Variants in HDAC9 observed in about 807,000 individuals in gnomAD.
HDAC9 encodes the protein MEF-2 interacting transcription repressor (MITR) protein.
Under a neutral mutation model 139.4 loss-of-function variants are expected in HDAC9, and 41 were observed. The observed-to-expected ratio is 0.29, with a 90% CI of 0.23 to 0.38. HDAC9 has a LOEUF of 0.38. HDAC9 is among the 10% of genes least tolerant of loss of function. The pLI is 1.00. For synonymous variants in HDAC9, 517 were observed against 476.2 expected (o/e 1.09, Z -1.12); for missense variants, 1,147 against 1,297.0 (o/e 0.88, Z 1.78).
chr7:18,168,570 CTGTG>C (rs765949434), intron 2 of HDAC9, among the ~76,000 whole-genome samples: 10 of 149,404 alleles, frequency 6.7e-5, no homozygotes, highest in African/African-American at 7.3e-5. Flanking sequence ...GTGTGTGTGT[CTGTG>C]TGTGTGTGTG....
At chr7:18,488,889 A>G (rs1335730257) in intron 1 of HDAC9, among the ~76,000 whole-genome samples, 1 of 152,088 alleles carries the variant, frequency 6.6e-6, no homozygotes, top group African/African-American at 2.4e-5. Flanking sequence ...TGGGACAAGA[A>G]CAAGGCAAAG....
At chr7:18,734,975 C>A (rs1457406908) in intron 13 of HDAC9, among the ~76,000 whole-genome samples, 1 of 152,240 alleles carries the variant, frequency 6.6e-6, no homozygotes, top group Non-Finnish European at 1.5e-5. Context: ...ATTTGCATTT[C>A]TCTGATGACC....
intron 12 of HDAC9, among the ~76,000 whole-genome samples, chr7:18,712,647 G>T (rs1046033556): frequency 1.3e-5 from 2 of 152,104 alleles, no homozygotes; most frequent in Non-Finnish European, 2.9e-5. Flanking sequence ...TAAATCCTAG[G>T]TATTGCAGGT....
chr7:18,115,149 T>G (rs1033831230), intron 1 of HDAC9, among the ~76,000 whole-genome samples: 1 of 152,044 alleles, frequency 6.6e-6, no homozygotes, highest in South Asian at 2.1e-4. Flanking sequence ...AAAAATTAGC[T>G]GGGCTTGGTG....
chr7:18,520,083 A>G (rs938504457), intron 2 of HDAC9, among the ~76,000 whole-genome samples: 1 of 151,912 alleles, frequency 6.6e-6, no homozygotes, highest in African/African-American at 2.4e-5. Flanking sequence ...TAACCCAAAG[A>G]AAAAAAATGC....
intron 1 of HDAC9, among the ~76,000 whole-genome samples, chr7:18,465,127 G>A (rs780898312): frequency 2.6e-5 from 4 of 151,740 alleles, no homozygotes; most frequent in South Asian, 2.1e-4. Context: ...TACCTGATAC[G>A]CCATTATATG....
At chr7:18,174,545 A>G (rs961948875) in intron 2 of HDAC9, among the ~76,000 whole-genome samples, 1 of 152,000 alleles carries the variant, frequency 6.6e-6, no homozygotes, top group Non-Finnish European at 1.5e-5. Flanking sequence ...GGATTTTAGA[A>G]TTTTCAACTT....
chr7:18,538,596 T>C (rs1175035819), intron 2 of HDAC9, among the ~76,000 whole-genome samples: 4 of 152,252 alleles, frequency 2.6e-5, no homozygotes, highest in African/African-American at 9.6e-5. Flanking sequence ...TTGACTCATG[T>C]GTGCAGTTAT....
In HDAC9 at chr7:18,634,711, C is replaced by T; in HGVS notation, c.881C>T (p.Thr294Ile). Residue 294 changes from threonine (T) to isoleucine (I), a missense_variant, in exon 8 of 26, where the codon ACT (threonine) becomes ATT (isoleucine). This residue lies in a region of HDAC9 where 264 missense variants were observed against 273.8 expected (regional missense o/e 0.96). Transcript: ENST00000686413. The part of the protein sequence containing the change: ...GPTGSVTENE[T>I]SVLPPTPHAE... ...ACTGGAAGTGTTACTGAAAATGAGA[C>T]TTCGGTTTTGCCCCCTACCCCTCAT... The T allele has an allele frequency of 6.3e-7, 1 of 1,597,096 alleles. No individual in the cohort carries two copies. Among genetic ancestry groups the T allele is most frequent in the Non-Finnish European group, 8.5e-7 (1 of 1,170,790 alleles).
intron 1 of HDAC9, among the ~76,000 whole-genome samples, chr7:18,292,746 T>C (rs1328279223): frequency 1.3e-5 from 2 of 152,180 alleles, no homozygotes; most frequent in African/African-American, 4.8e-5. Context: ...GGAGTGCTGT[T>C]GTAAAACAAA....
At chr7:18,660,805 G>C (rs1204207553) in intron 11 of HDAC9, among the ~76,000 whole-genome samples, 1 of 152,108 alleles carries the variant, frequency 6.6e-6, no homozygotes, top group Non-Finnish European at 1.5e-5. Flanking sequence ...GGCAACCAGA[G>C]GCCAGGGTAG....
chr7:18,982,774 C>T (rs1585476841), intron 25 of HDAC9, among the ~76,000 whole-genome samples: 1 of 152,080 alleles, frequency 6.6e-6, no homozygotes, highest in African/African-American at 2.4e-5. Context: ...CCTCATTAAG[C>T]ATGTTTTTGA....
At chr7:18,196,205 A>AT (rs1299228063) in intron 2 of HDAC9, among the ~76,000 whole-genome samples, 1 of 152,202 alleles carries the variant, frequency 6.6e-6, no homozygotes, top group Non-Finnish European at 1.5e-5. Flanking sequence ...GAAGGTGTAC[A>AT]TTTGGAGCCA....
intron 2 of HDAC9, among the ~76,000 whole-genome samples, chr7:18,258,700 A>G (rs1264092146): frequency 2.0e-5 from 3 of 152,212 alleles, no homozygotes; most frequent in Non-Finnish European, 4.4e-5. Context: ...CTCAAGGTCT[A>G]TGTGATACTA....
chr7:18,955,871 A>G (rs529272631), intron 24 of HDAC9, among the ~76,000 whole-genome samples: 1 of 152,244 alleles, frequency 6.6e-6, no homozygotes, highest in East Asian at 1.9e-4. Context: ...AAGAGTGAAA[A>G]TGCTTTGAAA....
At chr7:18,893,008 C>A (rs1342846780) in intron 22 of HDAC9, among the ~76,000 whole-genome samples, 1 of 100,220 alleles carries the variant, frequency 1.0e-5, no homozygotes. Context: ...AGAGCTTATA[C>A]AGTGTTTCAA....
At chr7:18,825,445 G>T (rs1214368537) in intron 17 of HDAC9, among the ~76,000 whole-genome samples, 2 of 152,094 alleles carry the variant, frequency 1.3e-5, no homozygotes. Context: ...AGTGTTGAAA[G>T]TTTAGGGCCA....
chr7:18,784,199 C>G (rs562355917), intron 16 of HDAC9, among the ~76,000 whole-genome samples: 5 of 151,850 alleles, frequency 3.3e-5, no homozygotes, highest in African/African-American at 1.2e-4. Context: ...ACATATAAGA[C>G]AATTAATCCC....
In HDAC9 at chr7:18,666,334, C is replaced by G. The variant is rs190601824; in HGVS notation, c.1589C>G (p.Thr530Ser). ...AGAGCGCCCTCTAGTGGCAACAGCA[C>G]TAGGAGCGACAGCAGTGCTTGTGTG... ...EDRAPSSGNS[T>S]RSDSSACVDD... The change falls in exon 12 of 26, where the codon ACT becomes AGT. Residue 530 changes from threonine (T) to serine (S), a missense_variant. Transcript: ENST00000686413. 6.3e-5 allele frequency: 101 copies of G among 1,613,400 alleles called. No individual in the cohort carries two copies. The African/African-American group carries it at 1.2e-3, about 19-fold the overall frequency.
Sources: allele counts gnomAD v4.1 joint callset (sites outside exome capture counted in the v4.1 genomes callset), GRCh38; gene constraint gnomAD v4.1.1; regional missense constraint gnomAD v4.1.1; transcripts MANE v1.5; gene names NCBI Gene and HGNC (gene_info 2026-07-23, HGNC 2026-07-21).